NRP1: variants seen among roughly 807,000 people sequenced by gnomAD.
NRP1 encodes the protein neuropilin-1.
NRP1 carries 35 observed loss-of-function variants against 106.7 expected under a neutral mutation model. The observed-to-expected ratio is 0.33, with a 90% CI of 0.25 to 0.43. The LOEUF is 0.43. Ranked by LOEUF, NRP1 falls within the 20% of genes least tolerant of loss-of-function variation. NRP1 has a pLI of 1.00. For missense variants in NRP1, 1,024 were observed against 1,170.4 expected (o/e 0.87, Z 1.83); for synonymous variants, 437 against 417.9 (o/e 1.05, Z -0.56).
intron 13 of NRP1, among the ~76,000 whole-genome samples, chr10:33,187,958 G>A (rs1198305732): frequency 6.6e-6 from 1 of 152,174 alleles, no homozygotes; most frequent in Non-Finnish European, 1.5e-5. Context: ...AAGGAAGGGT[G>A]TTCACAAATG....
At chr10:33,310,498 G>T (rs1475542063) in intron 2 of NRP1, among the ~76,000 whole-genome samples, 1 of 151,896 alleles carries the variant, frequency 6.6e-6, no homozygotes, top group African/African-American at 2.4e-5. Context: ...TGATTCACTC[G>T]ACTTGGCCTC....
At chr10:33,319,570 TTC>T (rs1349684466) in intron 2 of NRP1, among the ~76,000 whole-genome samples, 1 of 142,592 alleles carries the variant, frequency 7.0e-6, no homozygotes, top group Non-Finnish European at 1.5e-5. Context: ...TCTTTTTTTT[TTC>T]TTTCTTTCTT....
intron 2 of NRP1, among the ~76,000 whole-genome samples, chr10:33,293,736 C>T (rs150033802): frequency 1.9e-3 from 282 of 152,294 alleles, no homozygotes; most frequent in Non-Finnish European, 2.9e-3. Context: ...AAAACGTGCT[C>T]GCGTGCATGC....
Position 33,221,675 on chromosome 10 carries a change from A to G in NRP1, c.1282+44T>C, listed in dbSNP as rs182069005. On this transcript the variant is annotated intron_variant, in intron 8 of 16. Coordinates refer to ENST00000374867, the MANE Select transcript of NRP1 (RefSeq NM_003873.7). ...GGTTTGCATAAATCAAAACAAGACA[A>G]TCTTCGACTTGGAAGATTCAGTCTT... is the stretch of plus-strand genomic sequence containing the variant. 55 of 1,587,320 alleles carry G rather than the reference A, an allele frequency of 3.5e-5. 1 individual carries two copies. In the Admixed American group the frequency reaches 5.5e-4, roughly 16 times the overall value.
chr10:33,206,128 T>C (rs1837756021), intron 10 of NRP1: 1 of 487,102 alleles, frequency 2.1e-6, no homozygotes, highest in Non-Finnish European at 4.1e-6. Context: ...CACCAGGCTG[T>C]CTTTTCAATT....
At chr10:33,317,208 A>G (rs1847101577) in intron 2 of NRP1, among the ~76,000 whole-genome samples, 4 of 152,258 alleles carry the variant, frequency 2.6e-5, no homozygotes, top group African/African-American at 9.6e-5. Flanking sequence ...AGTTGCAGAT[A>G]TAGTGTGTAT....
intron 2 of NRP1, among the ~76,000 whole-genome samples, chr10:33,327,977 C>G (rs1330207506): frequency 1.8e-4 from 27 of 152,046 alleles, no homozygotes; most frequent in Non-Finnish European, 2.9e-4. Context: ...AATATAACAG[C>G]CTTTCAGCTT....
At chr10:33,307,419 A>G (rs549670073) in intron 2 of NRP1, among the ~76,000 whole-genome samples, 256 of 152,296 alleles carry the variant, frequency 1.7e-3, no homozygotes, top group Non-Finnish European at 1.4e-3. Flanking sequence ...AAAGCCTAAA[A>G]TATTTCCTAT....
intron 2 of NRP1, among the ~76,000 whole-genome samples, chr10:33,309,667 CCTCT>C (rs766688952): frequency 3.3e-5 from 5 of 152,202 alleles, no homozygotes; most frequent in Non-Finnish European, 7.3e-5. Context: ...GTAACTGGTA[CCTCT>C]CTCATAACGC....
At chr10:33,183,977 T>A (rs2132583136) in intron 15 of NRP1, among the ~76,000 whole-genome samples, 1 of 152,258 alleles carries the variant, frequency 6.6e-6, no homozygotes, top group Admixed American at 6.5e-5. Context: ...GTCTCAACTA[T>A]GTGCTTTCTT....
chr10:33,314,843 C>T (rs1846899009), intron 2 of NRP1, among the ~76,000 whole-genome samples: 1 of 152,150 alleles, frequency 6.6e-6, no homozygotes, highest in Non-Finnish European at 1.5e-5. Context: ...AGGAACGCAT[C>T]CCATGTTAAC....
At chr10:33,294,944 CCT>C (rs1845279673) in intron 2 of NRP1, among the ~76,000 whole-genome samples, 2 of 152,156 alleles carry the variant, frequency 1.3e-5, no homozygotes, top group Non-Finnish European at 2.9e-5. Context: ...CCTGATGCCA[CCT>C]ATATACTACA....
Position 33,180,224 on chromosome 10 carries a change from C to G in NRP1, c.2624G>C (p.Cys875Ser), listed in dbSNP as rs142822518. The G allele has an allele frequency of 6.2e-7, 1 of 1,614,192 alleles. No homozygotes were observed. The highest frequency in any genetic ancestry group is 1.3e-5 in the African/African-American group (1 of 75,036). Residue 875 changes from cysteine to serine, a missense_variant, in exon 17 of 17, where the codon TGT (cysteine) becomes TCT (serine). Around this residue, in one of 5 missense-constraint regions of NRP1, gnomAD observed 164 missense variants for 161.4 expected, o/e 1.02. Coordinates refer to ENST00000374867, the MANE Select transcript of NRP1 (RefSeq NM_003873.7). The part of the protein sequence containing the change: ...SALGVLLGAV[C>S]GVVLYCACWH... ...ACAGGCACAGTACAGCACGACCCCA[C>G]AGACAGCCCCCAGGAGGACCCCCAG...
chr10:33,179,811 A>G lies in NRP1; in HGVS notation c.*265T>C, dbSNP rs1835567087. ...GCAGGAGGGGTCGAAATGAATGATT[A>G]TGTCAATCATACTTGGTCTCAACAC... On this transcript the variant is annotated 3_prime_UTR_variant, in exon 17 of 17. Transcript: ENST00000374867. 2.2e-6 allele frequency: 1 copy of G among 451,760 alleles called. No individual in the cohort carries two copies. The highest frequency in any genetic ancestry group is 2.0e-5 in the African/African-American group (1 of 50,990). The allele number at this position is 451,760 out of a possible 1,614,324, so 28.0% of individuals were successfully genotyped here. A position where few individuals can be genotyped will look rare whatever the true frequency, so the allele number is the denominator to read the frequency against.
intron 10 of NRP1, among the ~76,000 whole-genome samples, chr10:33,204,415 T>C (rs1837597079): frequency 6.6e-6 from 1 of 152,200 alleles, no homozygotes; most frequent in African/African-American, 2.4e-5. Flanking sequence ...ACAAAACACA[T>C]ACACCCGAAT....
chr10:33,285,274 G>T (rs1213259106), intron 2 of NRP1, among the ~76,000 whole-genome samples: 2 of 152,172 alleles, frequency 1.3e-5, no homozygotes, highest in East Asian at 3.9e-4. Flanking sequence ...GCCATGAATA[G>T]AACTAAGCAA....
intron 5 of NRP1, among the ~76,000 whole-genome samples, chr10:33,255,609 G>A (rs1842144222): frequency 6.6e-6 from 1 of 152,042 alleles, no homozygotes; most frequent in East Asian, 1.9e-4. Flanking sequence ...AATCCCCCAT[G>A]CCCAGCTAAC....
At chr10:33,193,002 C>T (rs981269422) in intron 12 of NRP1, among the ~76,000 whole-genome samples, 18 of 151,962 alleles carry the variant, frequency 1.2e-4, no homozygotes, top group African/African-American at 4.4e-4. Context: ...TCTATAAGGT[C>T]GATTAATTTA....
At chr10:33,240,171 T>C (rs1840904917) in intron 6 of NRP1, among the ~76,000 whole-genome samples, 1 of 152,170 alleles carries the variant, frequency 6.6e-6, no homozygotes, top group African/African-American at 2.4e-5. Context: ...GTCTGACACC[T>C]TTCCAAGGTG....
Sources: allele counts gnomAD v4.1 joint callset (sites outside exome capture counted in the v4.1 genomes callset), GRCh38; gene constraint gnomAD v4.1.1; regional missense constraint gnomAD v4.1.1; transcripts MANE v1.5; gene names NCBI Gene and HGNC (gene_info 2026-07-23, HGNC 2026-07-21).